SGIP1: variants seen among roughly 807,000 people sequenced by gnomAD.
The protein encoded by SGIP1 is SH3-containing GRB2-like protein 3-interacting protein 1.
SGIP1 carries 38 observed loss-of-function variants against 107.5 expected under a neutral mutation model. That is an observed-to-expected ratio of 0.35 (90% CI 0.27 to 0.46). The LOEUF is 0.46. Ranked by LOEUF, SGIP1 falls within the 20% of genes least tolerant of loss-of-function variation. The pLI is 1.00. For synonymous variants in SGIP1, 365 were observed against 366.1 expected, an observed-to-expected ratio of 1.00 and a Z score of 0.03; for missense variants, 929 against 1,019.5, an observed-to-expected ratio of 0.91 and a Z score of 1.21.
intron 1 of SGIP1, among the ~76,000 whole-genome samples, chr1:66,560,075 A>G (rs2058713445): frequency 6.6e-6 from 1 of 152,018 alleles, no homozygotes; most frequent in Admixed American, 6.6e-5. Flanking sequence ...TATTTCAAGA[A>G]GAGCAATACA....
intron 1 of SGIP1, among the ~76,000 whole-genome samples, chr1:66,604,716 T>C: frequency 6.6e-6 from 1 of 152,238 alleles, no homozygotes; most frequent in Non-Finnish European, 1.5e-5. Flanking sequence ...TGTGAGTTAC[T>C]GAATTGGATC....
At chr1:66,653,661 A>G (rs1262962532) in intron 7 of SGIP1, among the ~76,000 whole-genome samples, 2 of 152,232 alleles carry the variant, frequency 1.3e-5, no homozygotes, top group Non-Finnish European at 2.9e-5. Context: ...TCAAAATTTC[A>G]TTGAATAAGG....
In SGIP1 at chr1:66,719,393, C is replaced by G. The variant is rs2093410074; in HGVS notation, c.1730C>G (p.Ala577Gly). ...TETVNAYFKG[A>G]DPSKCIVKIT... is the part of the protein sequence containing the mutation. ...ACAGTCAATGCCTATTTCAAAGGAG[C>G]AGACCCAAGCAAGTAAGCCTGATAC... The change falls in exon 19 of 25, where the codon GCA becomes GGA. Residue 577 changes from alanine (A) to glycine (G), a missense_variant. Ala to Gly is a moderately conservative substitution (Grantham distance 60). Transcript: ENST00000371037. 6.2e-7 allele frequency: 1 copy of G among 1,612,588 alleles called. No individual in the cohort carries two copies. The highest frequency in any genetic ancestry group is 1.3e-5 in the African/African-American group (1 of 74,978).
At chr1:66,537,289 T>G (rs1224849812) in intron 1 of SGIP1, among the ~76,000 whole-genome samples, 2 of 152,304 alleles carry the variant, frequency 1.3e-5, no homozygotes. Flanking sequence ...ATCTGGAGCC[T>G]TCTGTAGTAT....
intron 1 of SGIP1, among the ~76,000 whole-genome samples, chr1:66,555,263 A>AT (rs2058022340): frequency 1.3e-5 from 2 of 151,946 alleles, no homozygotes; most frequent in Non-Finnish European, 2.9e-5. Flanking sequence ...TGAAACCTCC[A>AT]TTTTTCCTTC....
chr1:66,739,308 T>TTTCAGATTTATGGTCCAGACCTAAA (rs539436478), intron 21 of SGIP1, 27 bp from the exon 22 acceptor site: 1 of 1,609,736 alleles, frequency 6.2e-7, no homozygotes, highest in African/African-American at 1.3e-5. Flanking sequence ...TCATATGTTG[T>TTTCAGATTTATGGTCCAGACCTAAA]TATTTTCTTT....
intron 1 of SGIP1, among the ~76,000 whole-genome samples, chr1:66,586,473 T>C (rs2062628914): frequency 6.6e-6 from 1 of 152,136 alleles, no homozygotes. Flanking sequence ...TTTAAGTGTA[T>C]CTCATTGCAT....
chr1:66,545,317 T>G (rs1395731216), intron 1 of SGIP1, among the ~76,000 whole-genome samples: 3 of 152,176 alleles, frequency 2.0e-5, no homozygotes, highest in African/African-American at 7.2e-5. Flanking sequence ...TGCCATTCCA[T>G]TCCTTCTCTA....
intron 6 of SGIP1, 91 bp from the exon 7 acceptor site, chr1:66,643,453 A>G (rs1233234788): frequency 9.8e-7 from 1 of 1,016,658 alleles, no homozygotes; most frequent in Non-Finnish European, 1.4e-6. Flanking sequence ...ATCTAAGGAT[A>G]CTTTTGCTGT....
chr1:66,682,519 C>T, intron 15 of SGIP1, 150 bp downstream of exon 15: 2 of 958,566 alleles, frequency 2.1e-6, no homozygotes, highest in Non-Finnish European at 3.2e-6. Context: ...CACAGCATGT[C>T]CTAGTCCATC....
At chr1:66,645,482 A>G (rs1382914660) in intron 7 of SGIP1, among the ~76,000 whole-genome samples, 2 of 152,196 alleles carry the variant, frequency 1.3e-5, no homozygotes. Flanking sequence ...AGGGAAGCAG[A>G]GTGAAAACTA....
chr1:66,723,852 C>T (rs557346909), intron 19 of SGIP1, among the ~76,000 whole-genome samples: 21 of 152,250 alleles, frequency 1.4e-4, no homozygotes, highest in African/African-American at 3.9e-4. Flanking sequence ...ATAAGATGTG[C>T]GTGAAACTGC....
chr1:66,678,657 T>C (rs1456147318), intron 13 of SGIP1, among the ~76,000 whole-genome samples: 1 of 152,132 alleles, frequency 6.6e-6, no homozygotes, highest in African/African-American at 2.4e-5. Flanking sequence ...ATGAGGGTTG[T>C]TAGTCATACT....
intron 1 of SGIP1, among the ~76,000 whole-genome samples, chr1:66,565,309 C>T (rs961953452): frequency 1.3e-5 from 2 of 151,984 alleles, no homozygotes; most frequent in Non-Finnish European, 2.9e-5. Flanking sequence ...TTTATATGGG[C>T]TCTTATTTTT....
At chr1:66,589,204 AT>A (rs2063187577) in intron 1 of SGIP1, among the ~76,000 whole-genome samples, 1 of 57,472 alleles carries the variant, frequency 1.7e-5, no homozygotes, top group Non-Finnish European at 3.5e-5. Context: ...ATATATATAT[AT>A]ATATATATAT....
At chr1:66,712,577 C>A (rs1218913557) in intron 18 of SGIP1, among the ~76,000 whole-genome samples, 1 of 151,856 alleles carries the variant, frequency 6.6e-6, no homozygotes, top group African/African-American at 2.4e-5. Context: ...TCTCTTTCCT[C>A]TTTTTTTTCT....
intron 7 of SGIP1, among the ~76,000 whole-genome samples, chr1:66,649,173 G>A (rs1357725770): frequency 6.6e-6 from 1 of 152,088 alleles, no homozygotes; most frequent in African/African-American, 2.4e-5. Context: ...AAAGCAGCTT[G>A]GAATTCTCTT....
chr1:66,603,366 G>A (rs1034914074), intron 1 of SGIP1, among the ~76,000 whole-genome samples: 3 of 152,114 alleles, frequency 2.0e-5, no homozygotes, highest in Non-Finnish European at 4.4e-5. Context: ...CTGAGTGACA[G>A]AATTTGGACA....
intron 1 of SGIP1, among the ~76,000 whole-genome samples, chr1:66,622,413 T>G (rs2071388392): frequency 6.6e-6 from 1 of 152,348 alleles, no homozygotes; most frequent in Non-Finnish European, 1.5e-5. Flanking sequence ...CTACTCTGTA[T>G]TTTTGACACT....
Sources: gnomAD v4.1 joint callset for allele counts (sites outside exome capture counted in the v4.1 genomes callset) on GRCh38, gnomAD v4.1.1 for gene constraint, MANE v1.5 for transcripts, NCBI Gene and HGNC (gene_info 2026-07-23, HGNC 2026-07-21) for gene names.